The following ANKRD36C variants were observed in gnomAD, a reference collection of about 807,000 sequenced individuals.
ANKRD36C encodes ankyrin repeat domain-containing protein 36C.
ANKRD36C carries 61 observed loss-of-function variants against 276.4 expected under a neutral mutation model. The observed-to-expected ratio is 0.22, with a 90% confidence interval of 0.18 to 0.27. The LOEUF (loss-of-function observed/expected upper bound fraction) is 0.27, where lower values mean the gene tolerates loss of function less well. ANKRD36C is among the 10% of genes least tolerant of loss of function. ANKRD36C has a pLI of 1.00. For missense variants in ANKRD36C, 1,447 were observed against 2,032.3 expected, an observed-to-expected ratio of 0.71 and a Z score of 5.54; for synonymous variants, 483 against 680.1, an observed-to-expected ratio of 0.71 and a Z score of 4.51.
chr2:95,930,473 T>C (rs1260913375), intron 24 of ANKRD36C, among the ~76,000 whole-genome samples: 2 of 151,672 alleles, frequency 1.3e-5, no homozygotes, highest in African/African-American at 2.4e-5. Context: ...ACTCCTGATG[T>C]TTCTACATTT....
chr2:95,991,165 A>C (rs1573823871), intron 1 of ANKRD36C, among the ~76,000 whole-genome samples: 8 of 82,476 alleles, frequency 9.7e-5, no homozygotes, highest in East Asian at 4.3e-4. Context: ...CCCACACCTC[A>C]CCCCCACCTC....
At chr2:95,912,614 C>G (rs1247487470) in intron 40 of ANKRD36C, among the ~76,000 whole-genome samples, 179 bp from the exon 43 acceptor site, 3 of 151,384 alleles carry the variant, frequency 2.0e-5, no homozygotes, top group Admixed American at 6.6e-5. Flanking sequence ...AAAGGGAACA[C>G]AGGCTCCATG....
At chr2:95,916,755 T>C (rs905752547) in intron 36 of ANKRD36C, among the ~76,000 whole-genome samples, 3 of 151,776 alleles carry the variant, frequency 2.0e-5, no homozygotes, top group South Asian at 4.1e-4. Context: ...CTCACACCCA[T>C]GTGGTGTAAT....
chr2:95,966,574 T>C (rs989775938), intron 6 of ANKRD36C, among the ~76,000 whole-genome samples: 10 of 152,222 alleles, frequency 6.6e-5, no homozygotes, highest in Admixed American at 2.0e-4. Flanking sequence ...AGCCTTGTAG[T>C]ATATTTTGAA....
Position 95,923,649 on chromosome 2 carries a change from G to A in ANKRD36C, c.2070+12C>T. 1 of 1,610,294 alleles carries A rather than the reference G, an allele frequency of 6.2e-7. No homozygotes were observed. The highest frequency in any genetic ancestry group is 8.5e-7 in the Non-Finnish European group (1 of 1,177,772). On this transcript the variant is annotated intron_variant, in intron 31 of 66. Coordinates refer to ENST00000456556, the Ensembl canonical transcript of ANKRD36C. ...AGTTACTAATACAAAATATAAATGA[G>A]AGTTTAATTACCTTTGAGGGTGGTT...
At chr2:95,891,040 A>C (rs906912663) in intron 46 of ANKRD36C, among the ~76,000 whole-genome samples, 1 of 151,460 alleles carries the variant, frequency 6.6e-6, no homozygotes, top group Non-Finnish European at 1.5e-5. Flanking sequence ...GTGTATTCCA[A>C]TTATACCATT....
At chr2:95,925,277 A>C (rs1677372686) in intron 30 of ANKRD36C, 75 bp downstream of exon 30, 2 of 1,539,946 alleles carry the variant, frequency 1.3e-6, no homozygotes, top group Admixed American at 4.0e-5. Context: ...ATGACACTCC[A>C]CTGATCTATT....
chr2:95,921,444 C>T (rs904913659), intron 34 of ANKRD36C, among the ~76,000 whole-genome samples, 163 bp downstream of exon 34: 3 of 151,518 alleles, frequency 2.0e-5, no homozygotes, highest in Non-Finnish European at 4.4e-5. Context: ...GCAGCATTAG[C>T]GTCACCCAAG....
chr2:95,978,850 C>G (rs188540298), intron 5 of ANKRD36C, among the ~76,000 whole-genome samples: 166 of 151,886 alleles, frequency 1.1e-3, no homozygotes, highest in Admixed American at 3.8e-3. Flanking sequence ...AAATAGGTAA[C>G]ACGATTGTTA....
intron 6 of ANKRD36C, among the ~76,000 whole-genome samples, chr2:95,977,015 A>C (rs1319754942): frequency 4.0e-5 from 6 of 151,822 alleles, no homozygotes; most frequent in African/African-American, 1.5e-4. Flanking sequence ...CTACATCTGC[A>C]TCATGGACAG....
chr2:95,893,421 C>A (rs1334945869), intron 44 of ANKRD36C, 112 bp downstream of exon 64: 4 of 1,426,552 alleles, frequency 2.8e-6, no homozygotes, highest in South Asian at 1.3e-5. Context: ...GAATCTCCGG[C>A]CTGCTGAATC....
chr2:95,962,393 T>C, exon 8 of ANKRD36C: 3 of 1,566,068 alleles, frequency 1.9e-6, no homozygotes, highest in Non-Finnish European at 8.7e-7. Flanking sequence ...TGTGGCTATA[T>C]TCGAGATAGA....
chr2:95,920,472 C>A (rs1363006039), intron 34 of ANKRD36C, among the ~76,000 whole-genome samples: 1 of 132,370 alleles, frequency 7.6e-6, no homozygotes, highest in Admixed American at 7.9e-5. Flanking sequence ...TTTGCTGATA[C>A]CTAGTAGATA....
At chr2:95,859,574 T>C (rs1424535160) in intron 61 of ANKRD36C, among the ~76,000 whole-genome samples, 8 of 152,128 alleles carry the variant, frequency 5.3e-5, no homozygotes, top group African/African-American at 1.9e-4. Context: ...ACAAAAACTT[T>C]TTAAAACCTA....
intron 3 of ANKRD36C, among the ~76,000 whole-genome samples, chr2:95,983,875 C>T (rs1340456938): frequency 1.3e-5 from 2 of 151,334 alleles, no homozygotes; most frequent in African/African-American, 2.4e-5. Flanking sequence ...CTCTGCCTCC[C>T]AAAGTGCTAG....
intron 61 of ANKRD36C, among the ~76,000 whole-genome samples, chr2:95,858,189 C>A (rs4258840): frequency 0.93 from 140,478 of 150,458 alleles, 65,483 homozygotes; most frequent in African/African-American, 0.97. Context: ...CTCAGGACCT[C>A]CTGAGGGCTG....
At chr2:95,941,956 G>A (rs1326599088) in intron 19 of ANKRD36C, among the ~76,000 whole-genome samples, 1 of 152,308 alleles carries the variant, frequency 6.6e-6, no homozygotes, top group Non-Finnish European at 1.5e-5. Context: ...AGGGAAACCT[G>A]GAGTGCAGTT....
At chr2:95,879,655 A>C (rs1377268677) in intron 58 of ANKRD36C, among the ~76,000 whole-genome samples, 2 of 152,230 alleles carry the variant, frequency 1.3e-5, no homozygotes, top group South Asian at 2.1e-4. Context: ...TGATTGGCTT[A>C]ATATAATAAG....
intron 59 of ANKRD36C, among the ~76,000 whole-genome samples, chr2:95,874,499 C>T (rs1573732143): frequency 1.3e-5 from 2 of 152,196 alleles, no homozygotes; most frequent in South Asian, 4.1e-4. Context: ...AAACTGGATC[C>T]CTTCCTTACA....
Sources: allele counts gnomAD v4.1 joint callset (sites outside exome capture counted in the v4.1 genomes callset), GRCh38; gene constraint gnomAD v4.1.1; transcripts MANE v1.5; gene names NCBI Gene and HGNC (gene_info 2026-07-23, HGNC 2026-07-21).